WDR7: variants seen among roughly 807,000 people sequenced by gnomAD.
The protein encoded by WDR7 is WD repeat-containing protein 7.
A neutral mutation model predicts 169.4 loss-of-function variants in WDR7; 46 were observed. The observed-to-expected ratio is 0.27, with a 90% CI of 0.21 to 0.35. The LOEUF is 0.35. WDR7 is among the 10% of genes least tolerant of loss of function. The probability of loss-of-function intolerance (pLI) is 1.00; values close to 1 mark genes in which losing one functional copy is unlikely to be tolerated. For missense variants in WDR7, 1,534 were observed against 1,859.3 expected, an observed-to-expected ratio of 0.83 and a Z score of 3.22; for synonymous variants, 612 against 666.8, an observed-to-expected ratio of 0.92 and a Z score of 1.27.
At chr18:57,017,437 T>TGTGTGTGC (rs1198952396) in intron 26 of WDR7, among the ~76,000 whole-genome samples, 1 of 148,608 alleles carries the variant, frequency 6.7e-6, no homozygotes, top group African/African-American at 2.5e-5. Context: ...TGTGTGTGTG[T>TGTGTGTGC]GTGTGTGCAT....
At chr18:56,735,798 A>G (rs572720373) in intron 14 of WDR7, among the ~76,000 whole-genome samples, 30 of 152,342 alleles carry the variant, frequency 2.0e-4, no homozygotes, top group African/African-American at 7.2e-4. Flanking sequence ...CAATATGTGA[A>G]CAAATGAGCA....
intron 1 of WDR7, among the ~76,000 whole-genome samples, chr18:56,654,709 G>A (rs1486575427): frequency 1.3e-5 from 2 of 152,138 alleles, no homozygotes; most frequent in South Asian, 2.1e-4. Context: ...CTATATGGTT[G>A]TATTTTGGAG....
Position 56,731,429 on chromosome 18 carries a change from A to G in WDR7, c.1821A>G (p.Leu607=). ...TGGGGATAACAGCAGTTGAGATTCT[A>G]AACGCTTGTGATGAAGCTGTTCCTG... The part of the protein sequence containing the change: ...CVMGITAVEI[L]NACDEAVPAA... The change falls in exon 14 of 28, where the codon CTA becomes CTG. Residue 607 remains leucine (L), a synonymous_variant. Coordinates refer to ENST00000254442, the MANE Select transcript of WDR7 (RefSeq NM_015285.3). 6.2e-7 allele frequency: 1 copy of G among 1,614,204 alleles called. No individual in the cohort carries two copies. The highest frequency in any genetic ancestry group is 8.5e-7 in the Non-Finnish European group (1 of 1,180,034).
At chr18:57,033,407 T>C (rs1342276660), downstream of WDR7, 1 of 152,140 alleles carries the variant, frequency 6.6e-6, no homozygotes, top group Non-Finnish European at 1.5e-5. Flanking sequence ...TGAAGGACAT[T>C]GGTAGATGCT....
chr18:56,726,258 A>G (rs1372917859), intron 13 of WDR7, among the ~76,000 whole-genome samples: 1 of 152,112 alleles, frequency 6.6e-6, no homozygotes, highest in East Asian at 1.9e-4. Context: ...GGCCATTTTC[A>G]CGACATTGAT....
chr18:56,839,352 A>G (rs1298746584), intron 20 of WDR7, among the ~76,000 whole-genome samples: 7 of 152,094 alleles, frequency 4.6e-5, no homozygotes, highest in African/African-American at 2.4e-5. Context: ...TGTTTCATCT[A>G]TTCTTCCCTT....
At chr18:56,824,131 C>T (rs1173125157) in intron 20 of WDR7, among the ~76,000 whole-genome samples, 1 of 152,146 alleles carries the variant, frequency 6.6e-6, no homozygotes, top group Non-Finnish European at 1.5e-5. Context: ...CCAGAGTACC[C>T]TGCTATTTTG....
At chr18:56,731,681 T>C in intron 14 of WDR7, 84 bp downstream of exon 14, 1 of 1,211,520 alleles carries the variant, frequency 8.3e-7, no homozygotes, top group Non-Finnish European at 1.1e-6. Flanking sequence ...TCTTAGAAAA[T>C]AATTTTTGAG....
chr18:56,933,397 G>A (rs1262278029), intron 22 of WDR7, among the ~76,000 whole-genome samples: 1 of 152,140 alleles, frequency 6.6e-6, no homozygotes, highest in Admixed American at 6.6e-5. Context: ...TTCTTATTTA[G>A]CTGAGTTTGA....
intron 1 of WDR7, among the ~76,000 whole-genome samples, chr18:56,656,911 T>C (rs77259399): frequency 0.011 from 1,735 of 152,276 alleles, 41 homozygotes; most frequent in African/African-American, 0.04. Context: ...TATTGTAGTT[T>C]ATAAAAATAC....
intron 26 of WDR7, among the ~76,000 whole-genome samples, chr18:56,988,143 C>T (rs1316740656): frequency 6.6e-6 from 1 of 152,180 alleles, no homozygotes; most frequent in East Asian, 1.9e-4. Flanking sequence ...AGGTACTGTT[C>T]ATCCGATTTC....
At chr18:56,826,523 T>G (rs2045207014) in intron 20 of WDR7, among the ~76,000 whole-genome samples, 1 of 152,206 alleles carries the variant, frequency 6.6e-6, no homozygotes, top group Non-Finnish European at 1.5e-5. Flanking sequence ...AAGCTTTTGC[T>G]CTTAATTTGA....
At chr18:56,824,204 A>G (rs1042823481) in intron 20 of WDR7, among the ~76,000 whole-genome samples, 2 of 152,206 alleles carry the variant, frequency 1.3e-5, no homozygotes, top group Admixed American at 1.3e-4. Context: ...GACATATGGG[A>G]TGAAATTCCA....
At chr18:56,788,891 C>T (rs564701249) in intron 19 of WDR7, among the ~76,000 whole-genome samples, 14 of 152,310 alleles carry the variant, frequency 9.2e-5, no homozygotes, top group African/African-American at 3.1e-4. Context: ...ATGAAAACTA[C>T]TTCTGTGTGA....
chr18:56,793,548 A>G (rs150345375), intron 19 of WDR7, among the ~76,000 whole-genome samples: 94 of 152,352 alleles, frequency 6.2e-4, no homozygotes, highest in African/African-American at 2.2e-3. Context: ...CTTTCACACT[A>G]AATATTTAAA....
intron 2 of WDR7, among the ~76,000 whole-genome samples, chr18:56,674,188 A>T (rs1555675922): frequency 6.6e-6 from 1 of 152,196 alleles, no homozygotes; most frequent in Non-Finnish European, 1.5e-5. Flanking sequence ...CTCTATGTTT[A>T]ACCTGTTATT....
intron 12 of WDR7, among the ~76,000 whole-genome samples, chr18:56,716,156 G>T (rs1432746686): frequency 2.6e-5 from 4 of 151,872 alleles, no homozygotes; most frequent in Non-Finnish European, 4.4e-5. Flanking sequence ...AAACTAATTT[G>T]TGTGTGTCAG....
intron 21 of WDR7, among the ~76,000 whole-genome samples, chr18:56,883,887 C>T (rs2046149703): frequency 1.3e-5 from 2 of 152,080 alleles, no homozygotes; most frequent in African/African-American, 4.8e-5. Context: ...TGTATATATA[C>T]CACAATTTCT....
At chr18:56,703,635 C>T in intron 12 of WDR7, among the ~76,000 whole-genome samples, 1 of 151,634 alleles carries the variant, frequency 6.6e-6, no homozygotes, top group East Asian at 1.9e-4. Flanking sequence ...TATTTGGCAC[C>T]ATCTTTTTGA....
Sources: gnomAD v4.1 joint callset for allele counts (sites outside exome capture counted in the v4.1 genomes callset) on GRCh38, gnomAD v4.1.1 for gene constraint, MANE v1.5 for transcripts, NCBI Gene and HGNC (gene_info 2026-07-23, HGNC 2026-07-21) for gene names.